Variants in SNTG1 observed in about 807,000 individuals in gnomAD.
SNTG1 encodes the protein syntrophin gamma 1.
SNTG1 carries 39 observed loss-of-function variants against 74.7 expected under a neutral mutation model. That is an observed-to-expected ratio of 0.52 (90% CI 0.40 to 0.68). The LOEUF is 0.68. Ranked by LOEUF, SNTG1 falls within the 30% of genes least tolerant of loss-of-function variation. The pLI is 0.00. For missense variants in SNTG1, 685 were observed against 609.5 expected, an observed-to-expected ratio of 1.12 and a Z score of -1.30; for synonymous variants, 254 against 217.1, an observed-to-expected ratio of 1.17 and a Z score of -1.49.
chr8:50,258,623 AAGT>A (rs1250722261), intron 2 of SNTG1, among the ~76,000 whole-genome samples: 2 of 152,194 alleles, frequency 1.3e-5, no homozygotes, highest in African/African-American at 4.8e-5. Flanking sequence ...CTAGAGTTGA[AAGT>A]AGAATAATTA....
intron 12 of SNTG1, among the ~76,000 whole-genome samples, chr8:50,555,967 T>G (rs2094453513): frequency 6.6e-6 from 1 of 152,140 alleles, no homozygotes; most frequent in Non-Finnish European, 1.5e-5. Flanking sequence ...TCATTTTCTT[T>G]TCTCTTTGCT....
chr8:50,363,160 AATC>A (rs2092009625), intron 2 of SNTG1, among the ~76,000 whole-genome samples: 1 of 152,236 alleles, frequency 6.6e-6, no homozygotes, highest in South Asian at 2.1e-4. Context: ...TTAGCGACTA[AATC>A]ATCGACACTT....
chr8:50,177,651 A>C (rs889627031), intron 2 of SNTG1, among the ~76,000 whole-genome samples: 4 of 152,194 alleles, frequency 2.6e-5, no homozygotes, highest in African/African-American at 9.7e-5. Flanking sequence ...CTTCATGGAA[A>C]CAAAGACTTA....
At chr8:50,102,658 G>T (rs1484626458) in intron 1 of SNTG1, among the ~76,000 whole-genome samples, 1 of 149,426 alleles carries the variant, frequency 6.7e-6, no homozygotes, top group East Asian at 1.9e-4. Flanking sequence ...GAATGGTAAT[G>T]CCTAGGTTTT....
intron 8 of SNTG1, among the ~76,000 whole-genome samples, chr8:50,467,735 T>C (rs2093620511): frequency 6.6e-6 from 1 of 151,984 alleles, no homozygotes; most frequent in African/African-American, 2.4e-5. Flanking sequence ...GCTTAGATCA[T>C]TGATTTTAAC....
intron 17 of SNTG1, among the ~76,000 whole-genome samples, chr8:50,736,522 A>G (rs982624119): frequency 3.3e-5 from 5 of 152,082 alleles, no homozygotes; most frequent in Non-Finnish European, 5.9e-5. Context: ...GATCAACAAG[A>G]GAGAAAATTA....
intron 2 of SNTG1, among the ~76,000 whole-genome samples, chr8:50,274,587 C>G (rs2087986987): frequency 6.6e-6 from 1 of 152,076 alleles, no homozygotes; most frequent in Non-Finnish European, 1.5e-5. Flanking sequence ...AGTACAATGG[C>G]TAATAGCAGT....
chr8:50,125,408 G>T (rs1309642503), intron 1 of SNTG1, among the ~76,000 whole-genome samples: 1 of 141,924 alleles, frequency 7.0e-6, no homozygotes, highest in East Asian at 2.0e-4. Context: ...GGTTAATTTT[G>T]TCCAATACCA....
chr8:50,201,270 ATCTC>A (rs1242430439), intron 2 of SNTG1, among the ~76,000 whole-genome samples: 1 of 152,270 alleles, frequency 6.6e-6, no homozygotes, highest in East Asian at 1.9e-4. Flanking sequence ...TGTGGCTGAA[ATCTC>A]TCTTTTTCCT....
intron 1 of SNTG1, among the ~76,000 whole-genome samples, chr8:50,159,333 G>A (rs865962908): frequency 1.3e-4 from 20 of 151,940 alleles, no homozygotes; most frequent in African/African-American, 2.4e-4. Context: ...TAGATTTTAC[G>A]TTTCCTGGTT....
At chr8:50,604,084 G>T (rs1385928501) in intron 13 of SNTG1, among the ~76,000 whole-genome samples, 1 of 152,172 alleles carries the variant, frequency 6.6e-6, no homozygotes, top group African/African-American at 2.4e-5. Flanking sequence ...ACCCAGAAGG[G>T]TTCAGACATG....
intron 17 of SNTG1, among the ~76,000 whole-genome samples, chr8:50,747,505 T>G (rs1014868542): frequency 5.9e-5 from 9 of 152,020 alleles, no homozygotes; most frequent in African/African-American, 2.2e-4. Flanking sequence ...ACATATAAAG[T>G]AAACTGGGTA....
intron 18 of SNTG1, among the ~76,000 whole-genome samples, chr8:50,791,292 TAA>T (rs1410733190): frequency 6.6e-6 from 1 of 151,886 alleles, no homozygotes; most frequent in African/African-American, 2.4e-5. Context: ...ATGGAGTTAC[TAA>T]AAACTTTTTT....
intron 12 of SNTG1, among the ~76,000 whole-genome samples, chr8:50,565,834 C>T (rs950227920): frequency 6.6e-6 from 1 of 151,672 alleles, no homozygotes; most frequent in Non-Finnish European, 1.5e-5. Context: ...GGACAATTTC[C>T]TAAAGTTTAT....
intron 2 of SNTG1, among the ~76,000 whole-genome samples, chr8:50,339,792 C>T (rs558588402): frequency 3.9e-5 from 6 of 152,020 alleles, no homozygotes; most frequent in African/African-American, 1.2e-4. Context: ...AGTTATTCAT[C>T]CTACTATGTC....
At chr8:49,979,706 G>A (rs1392987446) in intron 1 of SNTG1, among the ~76,000 whole-genome samples, 1 of 152,162 alleles carries the variant, frequency 6.6e-6, no homozygotes, top group Non-Finnish European at 1.5e-5. Context: ...GCAGGACCAG[G>A]CCAGTTTGGC....
rs148725822 is a variant in SNTG1 at position 50,273,232 on chromosome 8, T to C, written c.-28+100597T>C. Among the ~76,000 whole-genome samples the C allele has an allele frequency of 5.9e-3, 900 of 152,246 alleles. 9 individuals carry two copies. Among genetic ancestry groups the C allele is most frequent in the African/African-American group, 0.02 (848 of 41,530 alleles). ...GGCTTTGAGGGAAATAAAAGCAGCC[T>C]TCAGAATACAATTGTGAAGTTTCAT... On this transcript the variant is annotated intron_variant, in intron 2 of 18. Transcript: ENST00000642720.
At chr8:50,044,958 G>A (rs905833808) in intron 1 of SNTG1, among the ~76,000 whole-genome samples, 8 of 152,230 alleles carry the variant, frequency 5.3e-5, no homozygotes, top group African/African-American at 1.9e-4. Context: ...GAAGGACTCT[G>A]TTGGTTTAGA....
chr8:50,546,351 G>C (rs2094387612), intron 11 of SNTG1, among the ~76,000 whole-genome samples: 1 of 151,676 alleles, frequency 6.6e-6, no homozygotes, highest in South Asian at 2.1e-4. Flanking sequence ...AGCATATCAT[G>C]ATGTTGGTTA....
Sources: allele counts gnomAD v4.1 joint callset (sites outside exome capture counted in the v4.1 genomes callset), GRCh38; gene constraint gnomAD v4.1.1; transcripts MANE v1.5; gene names NCBI Gene and HGNC (gene_info 2026-07-23, HGNC 2026-07-21).